Variants in HHAT observed in about 807,000 individuals in gnomAD.
HHAT encodes the protein hedgehog acyltransferase.
Under a neutral mutation model 70.8 loss-of-function variants are expected in HHAT, and 47 were observed. That is an observed-to-expected ratio of 0.66 (90% CI 0.53 to 0.85). HHAT has a LOEUF of 0.85. Among genes scored for constraint, HHAT ranks in the 40% least tolerant of loss-of-function variants. The pLI is 0.00. For missense variants in HHAT, 609 were observed against 604.8 expected (o/e 1.01, Z -0.07); for synonymous variants, 228 against 247.6 (o/e 0.92, Z 0.74).
intron 8 of HHAT, among the ~76,000 whole-genome samples, chr1:210,502,102 C>T (rs768246912): frequency 1.3e-5 from 2 of 150,962 alleles, no homozygotes; most frequent in Non-Finnish European, 2.9e-5. Context: ...TAAATCTTTC[C>T]GGCCAGGCAC....
intron 8 of HHAT, among the ~76,000 whole-genome samples, chr1:210,472,174 A>G (rs2094216439): frequency 6.6e-6 from 1 of 152,190 alleles, no homozygotes; most frequent in Non-Finnish European, 1.5e-5. Context: ...CTCAAGTATA[A>G]TTTATTCAGA....
intron 8 of HHAT, among the ~76,000 whole-genome samples, chr1:210,512,328 GCCCCAC>G (rs1368083142): frequency 6.6e-6 from 1 of 151,726 alleles, no homozygotes; most frequent in Non-Finnish European, 1.5e-5. Context: ...GCCTCTCCCT[GCCCCAC>G]CCCCCCTCAC....
chr1:210,564,716 G>A (rs768207853), intron 9 of HHAT, among the ~76,000 whole-genome samples: 2 of 151,760 alleles, frequency 1.3e-5, no homozygotes, highest in African/African-American at 4.8e-5. Context: ...AATGCACAAT[G>A]TAATAGATAG....
chr1:210,648,167 C>T (rs997534244), intron 11 of HHAT, among the ~76,000 whole-genome samples: 4 of 151,680 alleles, frequency 2.6e-5, no homozygotes, highest in African/African-American at 9.7e-5. Context: ...TTTGTTTAAG[C>T]TGGTTTGGAA....
intron 8 of HHAT, among the ~76,000 whole-genome samples, chr1:210,469,082 A>T (rs900472206): frequency 1.3e-5 from 2 of 152,042 alleles, no homozygotes; most frequent in Non-Finnish European, 2.9e-5. Context: ...TGAAAATCAA[A>T]CAAAGCCAGA....
chr1:210,540,739 G>T (rs1418675128), intron 9 of HHAT, among the ~76,000 whole-genome samples: 1 of 151,858 alleles, frequency 6.6e-6, no homozygotes, highest in African/African-American at 2.4e-5. Flanking sequence ...GAACTCCTGG[G>T]CTCAAGTTAT....
At chr1:210,500,187 A>T (rs17260466) in intron 8 of HHAT, among the ~76,000 whole-genome samples, 1 of 152,174 alleles carries the variant, frequency 6.6e-6, no homozygotes. Context: ...TGTGATGTCT[A>T]CTTTTCAAAC....
chr1:210,347,955 G>A (rs1294345545), intron 1 of HHAT, among the ~76,000 whole-genome samples: 2 of 152,226 alleles, frequency 1.3e-5, no homozygotes, highest in African/African-American at 4.8e-5. Flanking sequence ...TAGTGTTGGT[G>A]TCCAGAGGAA....
chr1:210,387,579 A>T lies in HHAT; in HGVS notation c.271A>T (p.Lys91Ter). 6.2e-7 allele frequency: 1 copy of T among 1,610,946 alleles called. No homozygotes were observed. The highest frequency in any genetic ancestry group is 8.5e-7 in the Non-Finnish European group (1 of 1,177,116). Residue 91 changes from lysine (K) to a stop codon, truncating the protein, a stop_gained and splice_region_variant, in exon 4 of 12, where the codon AAG becomes TAG. Transcript: ENST00000261458. LOFTEE classifies it high-confidence loss of function. The part of the protein sequence containing the change: ...VSQMATLLAR[K>*]HRPWILMLYG... ...TCAAATGGCCACACTGCTGGCAAGA[A>T]AGGTATGATTATATGTGTTGTTACC... is the stretch of plus-strand genomic sequence containing the variant.
chr1:210,630,832 C>A (rs1338314473), intron 11 of HHAT, among the ~76,000 whole-genome samples: 1 of 152,162 alleles, frequency 6.6e-6, no homozygotes, highest in Non-Finnish European at 1.5e-5. Flanking sequence ...GGATGCAGAG[C>A]TGGAGCTGCT....
intron 9 of HHAT, among the ~76,000 whole-genome samples, chr1:210,559,099 A>G (rs1446843836): frequency 6.6e-6 from 1 of 152,254 alleles, no homozygotes; most frequent in Non-Finnish European, 1.5e-5. Context: ...TAGATATCAC[A>G]GAGCATGAAG....
intron 8 of HHAT, among the ~76,000 whole-genome samples, chr1:210,481,523 C>G (rs1450052782): frequency 2.0e-5 from 3 of 152,074 alleles, no homozygotes; most frequent in African/African-American, 7.2e-5. Flanking sequence ...GCCAAAAACA[C>G]AAAAATGTGA....
intron 8 of HHAT, among the ~76,000 whole-genome samples, chr1:210,493,498 T>G (rs1005585587): frequency 6.6e-6 from 1 of 152,214 alleles, no homozygotes; most frequent in Non-Finnish European, 1.5e-5. Flanking sequence ...CCAGGTCTAC[T>G]GATTTAAATG....
In HHAT at chr1:210,371,041, G is replaced by A. The variant is rs547941510; in HGVS notation, c.159+8122G>A. Among the ~76,000 whole-genome samples the A allele has an allele frequency of 7.9e-5, 12 of 152,302 alleles. No individual in the cohort carries two copies. In the South Asian group the frequency reaches 1.7e-3, roughly 21 times the overall value. Reference sequence around the variant, plus strand: ...ACATGTCAGGAAGAAAATCTAGCATGGATGAGACTAGACAAAAGGTCATGT... The same window carrying A: ...ACATGTCAGGAAGAAAATCTAGCATAGATGAGACTAGACAAAAGGTCATGT... On this transcript the variant is annotated intron_variant, in intron 3 of 11. Transcript: ENST00000261458.
At chr1:210,410,347 T>C (rs1269577597) in intron 6 of HHAT, among the ~76,000 whole-genome samples, 1 of 151,434 alleles carries the variant, frequency 6.6e-6, no homozygotes, top group Non-Finnish European at 1.5e-5. Context: ...TGAGCCACCA[T>C]GCCTGGCCGG....
intron 2 of HHAT, 46 bp from the exon 3 acceptor site, chr1:210,362,806 T>C (rs1170455181): frequency 6.5e-7 from 1 of 1,527,200 alleles, no homozygotes; most frequent in Non-Finnish European, 9.1e-7. Flanking sequence ...GCCAGCCCAG[T>C]TTTGTTTAGA....
chr1:210,503,809 T>A (rs1221317803), intron 8 of HHAT, among the ~76,000 whole-genome samples: 1 of 152,204 alleles, frequency 6.6e-6, no homozygotes, highest in Non-Finnish European at 1.5e-5. Flanking sequence ...CCAACAGACA[T>A]TTTTACATGA....
chr1:210,595,930 C>A (rs1662889875), intron 10 of HHAT, among the ~76,000 whole-genome samples: 1 of 152,112 alleles, frequency 6.6e-6, no homozygotes, highest in African/African-American at 2.4e-5. Context: ...CCTGATCACT[C>A]TGATGGTAGT....
At chr1:210,461,364 T>C (rs1396998637) in intron 7 of HHAT, among the ~76,000 whole-genome samples, 1 of 152,138 alleles carries the variant, frequency 6.6e-6, no homozygotes, top group Non-Finnish European at 1.5e-5. Flanking sequence ...AGTGGCATGA[T>C]CTTGGCTCGC....
Sources: allele counts gnomAD v4.1 joint callset (sites outside exome capture counted in the v4.1 genomes callset), GRCh38; gene constraint gnomAD v4.1.1; transcripts MANE v1.5; gene names NCBI Gene and HGNC (gene_info 2026-07-23, HGNC 2026-07-21).